The following TRPV2 variants were observed in gnomAD, a reference collection of about 807,000 sequenced individuals.
The protein encoded by TRPV2 is OTRPC2.
In TRPV2, 58 loss-of-function variants were observed where a neutral mutation model predicts 91.0. The observed-to-expected ratio is 0.64, with a 90% CI of 0.52 to 0.79. TRPV2 has a LOEUF of 0.79. Ranked by LOEUF, TRPV2 falls within the 30% of genes least tolerant of loss-of-function variation. The pLI is 0.00. For missense variants in TRPV2, 807 were observed against 969.6 expected (o/e 0.83, Z 2.23); for synonymous variants, 417 against 414.8 (o/e 1.01, Z -0.06).
Position 16,420,300 on chromosome 17 carries a change from AG to A in TRPV2, c.334+54del. 3.2e-6 allele frequency: 4 copies of A among 1,259,646 alleles called. No homozygotes were observed. The South Asian group carries it at 4.2e-5, about 13-fold the overall frequency. 78.0% of individuals were successfully genotyped at this position (1,259,646 alleles called of 1,614,324 possible). A position where few individuals can be genotyped will look rare whatever the true frequency, so the allele number is the denominator to read the frequency against. On this transcript the variant is annotated intron_variant, in intron 3 of 14. Transcript: ENST00000338560. ...CTAGGCATCCTGTGAGCTGATAGTTAGGTGGGCTGTGTGGGCTTGATCCCTG... is the reference window on the plus strand; with the variant it reads ...CTAGGCATCCTGTGAGCTGATAGTTAGTGGGCTGTGTGGGCTTGATCCCTG...
intron 5 of TRPV2, among the ~76,000 whole-genome samples, chr17:16,425,252 G>A (rs957283369): frequency 2.0e-5 from 3 of 152,016 alleles, no homozygotes; most frequent in Non-Finnish European, 2.9e-5. Flanking sequence ...TCAAACTCCC[G>A]ACCTCTGGTG....
rs1320842035 is a variant in TRPV2, at chr17:16,435,365, C to A, written c.2194+396C>A. On this transcript the variant is annotated intron_variant, in intron 14 of 14. Coordinates refer to ENST00000338560, the MANE Select transcript of TRPV2 (RefSeq NM_016113.5). This position sits in a 1 kb window ranked among gnomAD's most constrained non-coding sequence, Gnocchi z 4.2. ...AGTTAGGAAGGGCTGTGTCACAGCGCAGCCTACAACAGAGGCAGCATCTCC... is the reference window on the plus strand; with the variant it reads ...AGTTAGGAAGGGCTGTGTCACAGCGAAGCCTACAACAGAGGCAGCATCTCC... Among the ~76,000 whole-genome samples the A allele has an allele frequency of 1.3e-5, 2 of 152,178 alleles. No individual in the cohort carries two copies. Among genetic ancestry groups the A allele is most frequent in the African/African-American group, 4.8e-5 (2 of 41,436 alleles).
rs372486317 is a variant in TRPV2, at chr17:16,434,965, C to G, written c.2190C>G (p.Val730=). ...TLCEDPSGAG[V]PRTLENPVLA... ...GTGAGGACCCGTCAGGGGCAGGTGT[C>G]CCTCGTGAGTAGCCTGGTGACTAGA... Residue 730 remains valine (V), a synonymous_variant, in exon 14 of 15, where the codon GTC becomes GTG. Coordinates refer to ENST00000338560, the MANE Select transcript of TRPV2 (RefSeq NM_016113.5). The G allele has an allele frequency of 5.0e-6, 8 of 1,609,726 alleles. No homozygotes were observed.
In TRPV2 at chr17:16,419,982, T is replaced by G. The variant is rs191681052; in HGVS notation, c.201-133T>G. The G allele has an allele frequency of 2.9e-5, 39 of 1,322,058 alleles. No homozygotes were observed. The East Asian group carries it at 9.3e-4, about 31-fold the overall frequency. 81.9% of individuals were successfully genotyped at this position (1,322,058 alleles called of 1,614,324 possible). A position where few individuals can be genotyped will look rare whatever the true frequency, so the allele number is the denominator to read the frequency against. On this transcript the variant is annotated intron_variant, in intron 2 of 14. Coordinates refer to ENST00000338560, the MANE Select transcript of TRPV2 (RefSeq NM_016113.5). ...GGAGGATAGAGGCCCTCAGAAGGGC[T>G]CTCACTGGGCTCCTGGGCCTGAGGG...
In TRPV2 at chr17:16,427,325, C is replaced by T. The variant is rs184834136; in HGVS notation, c.1252-124C>T. The T allele has an allele frequency of 2.4e-3, 1,985 of 841,206 alleles. 32 individuals are homozygous for T. In the Admixed American group the frequency reaches 0.03, roughly 13 times the overall value. 52.1% of individuals were successfully genotyped at this position (841,206 alleles called of 1,614,324 possible). A position where few individuals can be genotyped will look rare whatever the true frequency, so the allele number is the denominator to read the frequency against. On this transcript the variant is annotated intron_variant, in intron 7 of 14. Coordinates refer to ENST00000338560, the MANE Select transcript of TRPV2 (RefSeq NM_016113.5). ...GGGTCCTTCCCTGGAGCCCATGTTCCCATGCCGTTCTGAGGAGCCTCTCCA... is the reference window on the plus strand; with the variant it reads ...GGGTCCTTCCCTGGAGCCCATGTTCTCATGCCGTTCTGAGGAGCCTCTCCA...
At chr17:16,428,199 C>A (rs1600979138) in intron 8 of TRPV2, 118 bp from the exon 9 acceptor site, 2 of 941,764 alleles carry the variant, frequency 2.1e-6, no homozygotes, top group African/African-American at 1.6e-5. Context: ...ATGAGTCCCC[C>A]AAAACCAAAG....
At chr17:16,433,446 C>T (rs150793414) in intron 12 of TRPV2, 128 bp from the exon 13 acceptor site, 10 of 1,351,066 alleles carry the variant, frequency 7.4e-6, no homozygotes, top group African/African-American at 2.9e-5. Context: ...TTCGAATCCG[C>T]GTGTTTAGTT....
chr17:16,431,674 G>A (rs1396757772), intron 10 of TRPV2, 110 bp from the exon 11 acceptor site: 1 of 928,916 alleles, frequency 1.1e-6, no homozygotes, highest in Non-Finnish European at 1.7e-6. Context: ...ATGTATGTGT[G>A]CGTATGTGCA....
intron 4 of TRPV2, 119 bp downstream of exon 4, chr17:16,423,008 C>A: frequency 7.9e-7 from 1 of 1,260,328 alleles, no homozygotes; most frequent in Middle Eastern, 2.7e-4. Context: ...ACCCCGATGC[C>A]CTGCTTCTAA....
intron 4 of TRPV2, 69 bp from the exon 5 acceptor site, chr17:16,423,400 A>C: frequency 6.6e-7 from 1 of 1,515,650 alleles, no homozygotes; most frequent in Non-Finnish European, 8.9e-7. Flanking sequence ...CCTTTTGTCC[A>C]AGGAGCATGA....
In TRPV2 at chr17:16,435,321, G is replaced by A. The variant is rs35612940; in HGVS notation, c.2194+352G>A. Among the ~76,000 whole-genome samples the A allele has an allele frequency of 0.083, 12,638 of 152,194 alleles. 751 individuals are homozygous for A. Among genetic ancestry groups the A allele is most frequent in the Non-Finnish European group, 0.13 (8,942 of 67,978 alleles). ...CCCAGCCAGGCCTGGGCTGAGCCTG[G>A]GGACTCAGCAGGGGAATAAGTTAGG... On this transcript the variant is annotated intron_variant, in intron 14 of 14. Coordinates refer to ENST00000338560, the MANE Select transcript of TRPV2 (RefSeq NM_016113.5). This position sits in a 1 kb window ranked among gnomAD's most constrained non-coding sequence, Gnocchi z 4.2.
intron 12 of TRPV2, among the ~76,000 whole-genome samples, 196 bp downstream of exon 12, chr17:16,432,496 A>T (rs1021813144): frequency 1.3e-4 from 19 of 147,960 alleles, no homozygotes; most frequent in African/African-American, 4.7e-4. Context: ...GCTGGAGTGC[A>T]GTGGCACGAT....
In TRPV2 at chr17:16,426,915, A is replaced by G; in HGVS notation, c.1251+38A>G. Reference sequence around the variant, plus strand: ...GGTTTGGGGGGGCACATCTTGGGGGAGGCCTGCTTGAAACAACCCTGGGGG... The same window carrying G: ...GGTTTGGGGGGGCACATCTTGGGGGGGGCCTGCTTGAAACAACCCTGGGGG... On this transcript the variant is annotated intron_variant, in intron 7 of 14. Coordinates refer to ENST00000338560, the MANE Select transcript of TRPV2 (RefSeq NM_016113.5). This position sits in a 1 kb window ranked among gnomAD's most constrained non-coding sequence, Gnocchi z 6.0. 1 of 1,587,980 alleles carries G rather than the reference A, an allele frequency of 6.3e-7. No individual in the cohort carries two copies. Among genetic ancestry groups the G allele is most frequent in the Admixed American group, 1.7e-5 (1 of 57,932 alleles).
In TRPV2 at chr17:16,434,908, G is replaced by T. The variant is rs1477218052; in HGVS notation, c.2133G>T (p.Trp711Cys). Reference protein sequence around the residue: ...RWCFRVEEVNWASWEQTLPTL... With the variant: ...RWCFRVEEVNCASWEQTLPTL... The stretch of plus-strand genomic sequence containing the variant: ...CCCTCAGGGTGGAGGAGGTGAACTG[G>T]GCTTCATGGGAGCAGACGCTGCCTA... Residue 711 changes from tryptophan to cysteine, a missense_variant, in exon 14 of 15, where the codon TGG (tryptophan) becomes TGT (cysteine). Transcript: ENST00000338560. The T allele has an allele frequency of 6.2e-7, 1 of 1,612,014 alleles. No homozygotes were observed. The highest frequency in any genetic ancestry group is 8.5e-7 in the Non-Finnish European group (1 of 1,179,384).
chr17:16,433,840 C>G, intron 13 of TRPV2, 142 bp downstream of exon 13: 1 of 1,208,798 alleles, frequency 8.3e-7, no homozygotes, highest in Non-Finnish European at 1.1e-6. Context: ...TGAGCCTGAG[C>G]AGGTGAGGTC....
Position 16,426,357 on chromosome 17 carries a change from T to A in TRPV2, c.1095+88T>A. On this transcript the variant is annotated intron_variant, in intron 6 of 14. Coordinates refer to ENST00000338560, the MANE Select transcript of TRPV2 (RefSeq NM_016113.5). This position sits in a 1 kb window ranked among gnomAD's most constrained non-coding sequence, Gnocchi z 6.0. ...AATTGGGGCTGCCTGCTGGACCATA[T>A]CTGCCCCATTCCTGTGCCAGTGGGG... The A allele has an allele frequency of 6.7e-7, 1 of 1,482,590 alleles. No homozygotes were observed. The allele number at this position is 1,482,590 out of a possible 1,614,324, so 91.8% of individuals were successfully genotyped here.
At chr17:16,421,225 T>A (rs1002798205) in intron 3 of TRPV2, among the ~76,000 whole-genome samples, 1 of 152,038 alleles carries the variant, frequency 6.6e-6, no homozygotes, top group Non-Finnish European at 1.5e-5. Context: ...CTTTTTTTTT[T>A]TGGAGACGGA....
intron 11 of TRPV2, 33 bp from the exon 12 acceptor site, chr17:16,431,933 T>G: frequency 6.2e-7 from 1 of 1,611,508 alleles, no homozygotes; most frequent in Non-Finnish European, 8.5e-7. Flanking sequence ...ACCGGTCTCC[T>G]GGGCTAAGGA....
intron 5 of TRPV2, among the ~76,000 whole-genome samples, chr17:16,425,315 C>T (rs1243728393): frequency 2.0e-5 from 3 of 152,186 alleles, no homozygotes; most frequent in East Asian, 3.8e-4. Flanking sequence ...TGAGCCGAAA[C>T]GCCCAGCCTG....
Sources: gnomAD v4.1 joint callset for allele counts (sites outside exome capture counted in the v4.1 genomes callset) on GRCh38, gnomAD v4.1.1 for gene constraint, Gnocchi (gnomAD v3.1) non-coding constraint, MANE v1.5 for transcripts, NCBI Gene and HGNC (gene_info 2026-07-23, HGNC 2026-07-21) for gene names.